Variants in PBRM1 observed in about 807,000 individuals in gnomAD.
PBRM1 encodes polybromo 1, also known as protein polybromo-1.
In PBRM1, 27 loss-of-function variants were observed where a neutral mutation model predicts 194.5. The ratio of observed to expected loss-of-function variants is 0.14; its 90% CI spans 0.10 to 0.19. PBRM1 has a LOEUF of 0.19. PBRM1 is among the 10% of genes least tolerant of loss of function. The probability of loss-of-function intolerance (pLI) is 1.00; values close to 1 mark genes in which losing one functional copy is unlikely to be tolerated. For missense variants in PBRM1, 1,466 were observed against 2,077.2 expected (o/e 0.71, Z 5.72); for synonymous variants, 655 against 693.2 (o/e 0.94, Z 0.87).
intron 29 of PBRM1, 68 bp from the exon 32 acceptor site, chr3:52,548,303 G>C (rs1302858077): frequency 1.2e-5 from 14 of 1,184,118 alleles, no homozygotes. Flanking sequence ...TCAGTTCTAA[G>C]GTCTGACGAA....
At chr3:52,564,142 G>A (rs2084406770) in exon 23 of PBRM1, 2 of 1,613,458 alleles carry the variant, frequency 1.2e-6, no homozygotes, top group Non-Finnish European at 1.7e-6. Flanking sequence ...CGCTCTCATT[G>A]TAGCGGCTCT....
At chr3:52,586,980 T>A (rs1364055657) in intron 19 of PBRM1, among the ~76,000 whole-genome samples, 1 of 152,198 alleles carries the variant, frequency 6.6e-6, no homozygotes, top group Admixed American at 6.5e-5. Context: ...AGCTATAATG[T>A]TCCTTAAAGC....
intron 20 of PBRM1, chr3:52,585,567 T>G (rs2092249054): frequency 6.6e-6 from 1 of 152,366 alleles, no homozygotes; most frequent in African/African-American, 2.4e-5. Context: ...TCGCTCTTGT[T>G]GCCCAGGCTG....
chr3:52,639,214 G>T (rs554258987), intron 10 of PBRM1, among the ~76,000 whole-genome samples: 1 of 152,070 alleles, frequency 6.6e-6, no homozygotes, highest in East Asian at 1.9e-4. Context: ...AACGTCAGGT[G>T]ATCTGCCCAC....
intron 8 of PBRM1, among the ~76,000 whole-genome samples, chr3:52,644,438 G>A (rs931195392): frequency 2.6e-5 from 4 of 152,150 alleles, no homozygotes; most frequent in Admixed American, 2.6e-4. Flanking sequence ...AGGCTGGAGT[G>A]CAGTGGTGCG....
chr3:52,662,824 TAAAA>T (rs34605756), intron 3 of PBRM1, among the ~76,000 whole-genome samples: 1 of 130,700 alleles, frequency 7.7e-6, no homozygotes, highest in African/African-American at 2.8e-5. Flanking sequence ...GACTCTGTCT[TAAAA>T]AAAAAAAAAA....
At chr3:52,586,261 GT>G (rs1356581308) in intron 20 of PBRM1, 163 bp downstream of exon 22, 1 of 632,074 alleles carries the variant, frequency 1.6e-6, no homozygotes, top group Non-Finnish European at 2.7e-6. Flanking sequence ...ATAATGTACA[GT>G]TTTGAAAGTG....
intron 17 of PBRM1, among the ~76,000 whole-genome samples, chr3:52,600,935 C>T (rs1327259409): frequency 6.6e-6 from 1 of 152,198 alleles, no homozygotes; most frequent in Non-Finnish European, 1.5e-5. Context: ...CCGTGCCCAG[C>T]CGCTAAATTA....
rs1266764113 is a variant in PBRM1 at position 52,565,193 on chromosome 3, C to T, written c.3692-960G>A. ...CAGCCTGAGCGAAAGAGCGAGACTC[C>T]GTCTCAAAAAAAAAAAATTAATTCA... On this transcript the variant is annotated intron_variant, in intron 22 of 29. Coordinates refer to ENST00000296302, the Ensembl canonical transcript of PBRM1. 3.5e-5 allele frequency among the ~76,000 whole-genome samples: 5 copies of T among 143,096 alleles called. 1 individual carries two copies. The highest frequency in any genetic ancestry group is 4.4e-4 in the South Asian group (2 of 4,500). 93.9% of individuals were successfully genotyped at this position (143,096 alleles called of 152,430 possible). A position where few individuals can be genotyped will look rare whatever the true frequency, so the allele number is the denominator to read the frequency against.
At position 52,617,308 on chromosome 3, in the gene PBRM1, T is replaced by G. The variant is rs1156645577; in HGVS notation, c.1772A>C (p.Lys591Thr). 5 of 1,613,990 alleles carry G rather than the reference T, an allele frequency of 3.1e-6. No individual in the cohort carries two copies. The African/African-American group carries it at 6.7e-5, about 22-fold the overall frequency. ...GTGCCTGGCATTCCGGAACATCAGC[T>G]TCATGTCTTCTATCATTCCCTCTTC... Residue 591 changes from lysine (K) to threonine (T), a missense_variant, in exon 14 of 30, where the codon AAG (lysine) becomes ACG (threonine). This residue lies in a region of PBRM1 where 53 missense variants were observed against 144.0 expected (regional missense o/e 0.37). Transcript: ENST00000296302.
At chr3:52,650,308 G>T (rs2153798094) in intron 6 of PBRM1, among the ~76,000 whole-genome samples, 1 of 143,808 alleles carries the variant, frequency 7.0e-6, no homozygotes, top group Middle Eastern at 3.8e-3. Flanking sequence ...GGTTTGCAGT[G>T]AGGTGAGATC....
intron 23 of PBRM1, 44 bp from the exon 26 acceptor site, chr3:52,563,537 T>G: frequency 7.2e-7 from 1 of 1,382,074 alleles, no homozygotes; most frequent in Non-Finnish European, 1.0e-6. Context: ...CTAATGCCCC[T>G]CCAGAATAAG....
intron 8 of PBRM1, among the ~76,000 whole-genome samples, chr3:52,643,614 T>G (rs2096191685): frequency 6.6e-6 from 1 of 152,098 alleles, no homozygotes; most frequent in African/African-American, 2.4e-5. Flanking sequence ...GCTTTGAAAG[T>G]AGTCACCCAA....
intron 13 of PBRM1, 134 bp from the exon 16 acceptor site, chr3:52,617,672 A>G (rs2095035723): frequency 1.5e-6 from 1 of 648,066 alleles, no homozygotes. Flanking sequence ...CATATGCCAC[A>G]AACACAGTAA....
chr3:52,575,331 T>C (rs2089148919), intron 22 of PBRM1, among the ~76,000 whole-genome samples: 1 of 152,092 alleles, frequency 6.6e-6, no homozygotes, highest in African/African-American at 2.4e-5. Flanking sequence ...GAGAATCTGA[T>C]TTCCAGAGTT....
At chr3:52,650,117 C>T (rs1445548013) in intron 6 of PBRM1, among the ~76,000 whole-genome samples, 1 of 151,964 alleles carries the variant, frequency 6.6e-6, no homozygotes, top group Admixed American at 6.6e-5. Flanking sequence ...TCTCTATGCA[C>T]TTTGGGAGGC....
chr3:52,614,625 C>T (rs2094853448), intron 15 of PBRM1, among the ~76,000 whole-genome samples: 4 of 147,596 alleles, frequency 2.7e-5, no homozygotes, highest in African/African-American at 1.0e-4. Context: ...GGCTGAAGTA[C>T]AGTGGTGTGA....
At chr3:52,567,687 T>A (rs1194741254) in intron 22 of PBRM1, among the ~76,000 whole-genome samples, 1 of 151,788 alleles carries the variant, frequency 6.6e-6, no homozygotes, top group Non-Finnish European at 1.5e-5. Context: ...TCTTTTCTTT[T>A]CTTTTTTGAT....
intron 20 of PBRM1, chr3:52,585,839 G>C (rs1189056197): frequency 1.3e-5 from 2 of 152,024 alleles, no homozygotes; most frequent in Admixed American, 1.3e-4. Flanking sequence ...TCCACATTTT[G>C]TGTCGAAGTT....
Sources: gnomAD v4.1 joint callset for allele counts (sites outside exome capture counted in the v4.1 genomes callset) on GRCh38, gnomAD v4.1.1 for gene constraint, gnomAD v4.1.1 regional missense constraint, MANE v1.5 for transcripts, NCBI Gene and HGNC (gene_info 2026-07-23, HGNC 2026-07-21) for gene names.